The following MAN1B1 variants were observed in gnomAD, a reference collection of about 807,000 sequenced individuals.
MAN1B1 encodes the protein mannosidase alpha class 1B member 1, also known as endoplasmic reticulum mannosyl-oligosaccharide 1,2-alpha-mannosidase.
MAN1B1 carries 66 observed loss-of-function variants against 75.5 expected under a neutral mutation model. That is an observed-to-expected ratio of 0.87 (90% CI 0.72 to 1.07). MAN1B1 has a LOEUF of 1.07. Among genes scored for constraint, MAN1B1 ranks in the 50% least tolerant of loss-of-function variants. MAN1B1 has a pLI of 0.00. For missense variants in MAN1B1, 973 were observed against 912.5 expected, an observed-to-expected ratio of 1.07 and a Z score of -0.85; for synonymous variants, 453 against 382.8, an observed-to-expected ratio of 1.18 and a Z score of -2.14.
intron 10 of MAN1B1, 199 bp from the exon 11 acceptor site, chr9:137,107,051 C>G: frequency 1.3e-6 from 1 of 751,678 alleles, no homozygotes; most frequent in Non-Finnish European, 2.1e-6. Context: ...TGTAGCAGGT[C>G]CTCGGGCGGT....
intron 5 of MAN1B1, among the ~76,000 whole-genome samples, chr9:137,099,128 C>T (rs1305589374): frequency 1.3e-5 from 2 of 152,156 alleles, no homozygotes; most frequent in African/African-American, 4.8e-5. Flanking sequence ...CCGTGCCCAG[C>T]CAAAAAAATT....
intron 8 of MAN1B1, 175 bp from the exon 9 acceptor site, chr9:137,105,950 T>C: frequency 1.4e-6 from 1 of 703,526 alleles, no homozygotes; most frequent in Non-Finnish European, 2.6e-6. Context: ...GGCTGTGTGG[T>C]ACGGCCACCA....
chr9:137,088,965 C>T lies in MAN1B1; in HGVS notation c.425C>T (p.Ala142Val), dbSNP rs765617693. 25 of 1,613,984 alleles carry T rather than the reference C, an allele frequency of 1.5e-5. No homozygotes were observed. Among genetic ancestry groups the T allele is most frequent in the Middle Eastern group, 3.3e-4 (2 of 6,062 alleles). The change falls in exon 3 of 13, where the codon GCG becomes GTG. Residue 142 changes from alanine (A) to valine (V), a missense_variant. Ala to Val is a moderately conservative substitution (Grantham distance 64). Transcript: ENST00000371589. ...NPPVLPAPQK[A>V]DTDPENLPEI... The stretch of plus-strand genomic sequence containing the variant: ...CCCGTCTTACCAGCTCCTCAGAAGG[C>T]GGACACCGACCCTGAGAACTTACCT...
Position 137,106,171 on chromosome 9 carries a change from A to G in MAN1B1, c.1301A>G (p.Lys434Arg), listed in dbSNP as rs1467691018. 4 of 1,612,954 alleles carry G rather than the reference A, an allele frequency of 2.5e-6. No homozygotes were observed. In the South Asian group the frequency reaches 3.3e-5, roughly 13 times the overall value. ...CAGCACATCCACGGCCTGTCTGGGA[A>G]GAAGGATGGGCTGGTGCCCATGTTC... is the stretch of plus-strand genomic sequence containing the variant. ...VTQHIHGLSG[K>R]KDGLVPMFIN... Residue 434 changes from lysine to arginine, a missense_variant, in exon 9 of 13, where the codon AAG (lysine) becomes AGG (arginine). Transcript: ENST00000371589.
chr9:137,104,789 TGTG>T (rs1205930308), intron 8 of MAN1B1: 4 of 155,518 alleles, frequency 2.6e-5, no homozygotes, highest in Non-Finnish European at 4.3e-5. Flanking sequence ...TCTGCTTTGT[TGTG>T]AGTGCGGGTG....
chr9:137,105,650 AG>A, intron 8 of MAN1B1: 1 of 333,466 alleles, frequency 3.0e-6, no homozygotes, highest in Non-Finnish European at 5.8e-6. Flanking sequence ...TGAGGAGCTG[AG>A]GGTGGCTGTG....
In MAN1B1 at chr9:137,101,108, G is replaced by A; in HGVS notation, c.1020G>A (p.Leu340=). 6.2e-7 allele frequency: 1 copy of A among 1,614,150 alleles called. No individual in the cohort carries two copies. The highest frequency in any genetic ancestry group is 8.5e-7 in the Non-Finnish European group (1 of 1,180,028). The part of the protein sequence containing the change: ...ESTIRILGGL[L]SAYHLSGDSL... ...CGATCCGCATCCTGGGGGGGCTCCT[G>A]AGTGCCTACCACCTGTCTGGGGACA... Residue 340 remains leucine (L), a synonymous_variant, in exon 7 of 13, where the codon CTG becomes CTA. Transcript: ENST00000371589.
chr9:137,106,191 A>C lies in MAN1B1; in HGVS notation c.1321A>C (p.Met441Leu). Residue 441 changes from methionine to leucine, a missense_variant, in exon 9 of 13, where the codon ATG becomes CTG. Transcript: ENST00000371589. Reference protein sequence around the residue: ...LSGKKDGLVPMFINTHSGLFT... With the variant: ...LSGKKDGLVPLFINTHSGLFT... Reference sequence around the variant, plus strand: ...TGGGAAGAAGGATGGGCTGGTGCCCATGTTCATCAATACCCACAGTGGCCT... The same window carrying C: ...TGGGAAGAAGGATGGGCTGGTGCCCCTGTTCATCAATACCCACAGTGGCCT... The C allele has an allele frequency of 1.2e-6, 2 of 1,612,406 alleles. No individual in the cohort carries two copies. Among genetic ancestry groups the C allele is most frequent in the South Asian group, 2.2e-5 (2 of 90,748 alleles).
rs138805753 is a variant in MAN1B1 at position 137,106,741 on chromosome 9, C to A, written c.1498C>A (p.Arg500=). 6.2e-7 allele frequency: 1 copy of A among 1,613,516 alleles called. No homozygotes were observed. The highest frequency in any genetic ancestry group is 8.5e-7 in the Non-Finnish European group (1 of 1,180,000). The change falls in exon 10 of 13, where the codon CGG becomes AGG. Residue 500 remains arginine, a synonymous_variant. Transcript: ENST00000371589. ...CGAGGGTGTCAGAACGCACCTGCTG[C>A]GGCACTCCGAGCCCAGTAAGCTCAC... ...AIEGVRTHLL[R]HSEPSKLTFV...
In MAN1B1 at chr9:137,097,938, G is replaced by A. The variant is rs1165093076; in HGVS notation, c.730+1G>A. 2 of 1,552,596 alleles carry A rather than the reference G, an allele frequency of 1.3e-6. No homozygotes were observed. Among genetic ancestry groups the A allele is most frequent in the Non-Finnish European group, 1.7e-6 (2 of 1,147,600 alleles). The stretch of plus-strand genomic sequence containing the variant: ...CCGGCCAGGACACAGGGCACACCAG[G>A]TGAGGCCACACCTGCACCCCTTCCT... On this transcript the variant is annotated splice_donor_variant, in intron 5 of 12. Transcript: ENST00000371589. LOFTEE classifies it high-confidence loss of function.
chr9:137,090,724 G>A (rs539090414), intron 3 of MAN1B1, among the ~76,000 whole-genome samples: 1 of 152,034 alleles, frequency 6.6e-6, no homozygotes, highest in Non-Finnish European at 1.5e-5. Flanking sequence ...ATTTTTAATA[G>A]AGACGTGTTT....
intron 8 of MAN1B1, chr9:137,105,651 G>T: frequency 3.0e-6 from 1 of 334,592 alleles, no homozygotes; most frequent in East Asian, 8.8e-5. Flanking sequence ...GAGGAGCTGA[G>T]GGTGGCTGTG....
In MAN1B1 at chr9:137,101,556, G is replaced by C; in HGVS notation, c.1138G>C (p.Gly380Arg). Residue 380 changes from glycine (G) to arginine (R), a missense_variant, in exon 8 of 13, where the codon GGT becomes CGT. Coordinates refer to ENST00000371589, the MANE Select transcript of MAN1B1 (RefSeq NM_016219.5). ...SKIPYSDVNI[G>R]TGVAHPPRWT... ...GATTCCTTACTCGGATGTGAACATC[G>C]GTACTGGAGTTGCCCACCCGCCACG... The C allele has an allele frequency of 6.2e-7, 1 of 1,613,868 alleles. No individual in the cohort carries two copies. Among genetic ancestry groups the C allele is most frequent in the Non-Finnish European group, 8.5e-7 (1 of 1,180,042 alleles).
At chr9:137,103,529 T>TACAC (rs1830975266) in intron 8 of MAN1B1, 3 of 450,420 alleles carry the variant, frequency 6.7e-6, no homozygotes, top group African/African-American at 4.1e-5. Context: ...CCGGTGGTGT[T>TACAC]ACATTCACGC....
chr9:137,107,419 A>G lies in MAN1B1; in HGVS notation c.1736A>G (p.Gln579Arg), dbSNP rs115536398. 17 of 1,613,354 alleles carry G rather than the reference A, an allele frequency of 1.1e-5. No homozygotes were observed. The African/African-American group carries it at 2.0e-4, about 19-fold the overall frequency. ...PEIVHFNLYP[Q>R]PGRRDVEVKP... The stretch of plus-strand genomic sequence containing the variant: ...ATCGTGCACTTCAACCTTTACCCCC[A>G]GCCGGGCCGTCGGGACGTGGAGGTC... The change falls in exon 11 of 13, where the codon CAG becomes CGG. Residue 579 changes from glutamine to arginine, a missense_variant. Physicochemically the swap from Gln to Arg is conservative, Grantham distance 43. Coordinates refer to ENST00000371589, the MANE Select transcript of MAN1B1 (RefSeq NM_016219.5).
At chr9:137,090,622 C>T (rs886824685) in intron 3 of MAN1B1, among the ~76,000 whole-genome samples, 1 of 152,052 alleles carries the variant, frequency 6.6e-6, no homozygotes, top group African/African-American at 2.4e-5. Flanking sequence ...TCACTGCAAC[C>T]TCCGCCTCCC....
intron 5 of MAN1B1, among the ~76,000 whole-genome samples, 187 bp downstream of exon 5, chr9:137,098,124 T>C (rs1372525484): frequency 6.6e-6 from 1 of 152,228 alleles, no homozygotes; most frequent in Non-Finnish European, 1.5e-5. Context: ...GCTCTTGGCC[T>C]GCTGTCCCTG....
intron 3 of MAN1B1, among the ~76,000 whole-genome samples, chr9:137,092,976 TG>T (rs1427911260): frequency 6.6e-6 from 1 of 152,190 alleles, no homozygotes; most frequent in African/African-American, 2.4e-5. Context: ...ATGACTGTTG[TG>T]AGTTAGAATA....
rs377007797 is a variant in MAN1B1, at chr9:137,105,474, G to A, written c.1255-651G>A. The A allele has an allele frequency of 6.2e-5, 12 of 193,906 alleles. No homozygotes were observed. In the East Asian group the frequency reaches 2.0e-3, roughly 32 times the overall value. The allele number at this position is 193,906 out of a possible 1,614,324, so 12.0% of individuals were successfully genotyped here. A position where few individuals can be genotyped will look rare whatever the true frequency, so the allele number is the denominator to read the frequency against. ...GTCACCAGGGCCTCTGGTTGCTGCC[G>A]GTACACAGGGATAGGCAGCCAGGCC... is the stretch of plus-strand genomic sequence containing the variant. On this transcript the variant is annotated intron_variant, in intron 8 of 12. Transcript: ENST00000371589.
Sources: gnomAD v4.1 joint callset for allele counts (sites outside exome capture counted in the v4.1 genomes callset) on GRCh38, gnomAD v4.1.1 for gene constraint, MANE v1.5 for transcripts, NCBI Gene and HGNC (gene_info 2026-07-23, HGNC 2026-07-21) for gene names.